The following ANKFY1 variants were observed in gnomAD, a reference collection of about 807,000 sequenced individuals.
ANKFY1 encodes the protein ankyrin repeat and FYVE domain containing 1, also known as ankyrin repeat and FYVE domain-containing protein 1.
Under a neutral mutation model 128.3 loss-of-function variants are expected in ANKFY1, and 47 were observed. That is an observed-to-expected ratio of 0.37 (90% CI 0.29 to 0.47). The LOEUF (loss-of-function observed/expected upper bound fraction) is 0.47. Ranked by LOEUF, ANKFY1 falls within the 20% of genes least tolerant of loss-of-function variation. ANKFY1 has a pLI of 1.00. For missense variants in ANKFY1, 1,222 were observed against 1,510.6 expected, an observed-to-expected ratio of 0.81 and a Z score of 3.17; for synonymous variants, 553 against 601.6, an observed-to-expected ratio of 0.92 and a Z score of 1.18.
At chr17:4,238,615 A>G (rs1967039395) in intron 2 of ANKFY1, among the ~76,000 whole-genome samples, 1 of 152,028 alleles carries the variant, frequency 6.6e-6, no homozygotes. Flanking sequence ...CTGGGATTAC[A>G]GGTGCGCGCC....
At chr17:4,171,778 AAAATGGTGAT>A (rs1441498033) in intron 22 of ANKFY1, among the ~76,000 whole-genome samples, 1 of 152,210 alleles carries the variant, frequency 6.6e-6, no homozygotes, top group African/African-American at 2.4e-5. Context: ...GACCAAGAGA[AAAATGGTGAT>A]AAAATATGTG....
chr17:4,232,915 C>A (rs540144588), intron 3 of ANKFY1, among the ~76,000 whole-genome samples: 1 of 151,882 alleles, frequency 6.6e-6, no homozygotes, highest in African/African-American at 2.4e-5. Context: ...ATTTTGGTGG[C>A]AGTCGATATT....
intron 16 of ANKFY1, chr17:4,180,099 G>T (rs1010720139): frequency 5.2e-6 from 3 of 580,514 alleles, no homozygotes; most frequent in East Asian, 2.9e-5. Context: ...CATCAGAATT[G>T]TTAGAAACTT....
intron 1 of ANKFY1, among the ~76,000 whole-genome samples, chr17:4,261,696 A>C (rs1163914204): frequency 6.6e-6 from 1 of 152,232 alleles, no homozygotes; most frequent in Non-Finnish European, 1.5e-5. Flanking sequence ...CCCGACTGCA[A>C]AGCACAGCAG....
intron 7 of ANKFY1, among the ~76,000 whole-genome samples, chr17:4,202,981 C>CATATATATATATATATATAT (rs56774221): frequency 2.9e-4 from 42 of 146,228 alleles, no homozygotes; most frequent in African/African-American, 1.0e-3. Context: ...TAATCATACA[C>CATATATATATATATATATAT]ATATATATAT....
rs369522087 is a variant in ANKFY1, at chr17:4,195,387, G to A, written c.1172+16C>T. 8.4e-4 allele frequency: 1,352 copies of A among 1,611,468 alleles called. 3 individuals are homozygous for A. Among genetic ancestry groups the A allele is most frequent in the Non-Finnish European group, 1.0e-3 (1,228 of 1,178,716 alleles). ...CTCACAACCGCCTTCTCACTTGTGC[G>A]TGTCTCCCTACGTACTGTTTGCACT... On this transcript the variant is annotated intron_variant, in intron 9 of 24. Coordinates refer to ENST00000341657, the MANE Select transcript of ANKFY1 (RefSeq NM_001330063.2).
At chr17:4,190,578 T>C (rs1319230061) in intron 10 of ANKFY1, among the ~76,000 whole-genome samples, 1 of 152,232 alleles carries the variant, frequency 6.6e-6, no homozygotes, top group Non-Finnish European at 1.5e-5. Context: ...AAAATGCCCC[T>C]TAAATACTTC....
chr17:4,235,982 T>G (rs1350159764), intron 2 of ANKFY1, 92 bp from the exon 3 acceptor site: 8 of 843,302 alleles, frequency 9.5e-6, no homozygotes, highest in African/African-American at 3.4e-5. Context: ...TGAGTATTCA[T>G]CAACATACAT....
intron 1 of ANKFY1, among the ~76,000 whole-genome samples, chr17:4,255,243 C>CTTTTT (rs1177087196): frequency 6.7e-5 from 8 of 119,890 alleles, no homozygotes; most frequent in African/African-American, 2.0e-4. Context: ...TCATGTAATT[C>CTTTTT]TTTTTTTTTT....
Position 4,182,303 on chromosome 17 carries a change from G to A in ANKFY1, c.1999C>T (p.Leu667Phe). Residue 667 changes from leucine to phenylalanine, a missense_variant, in exon 15 of 25, where the codon CTT becomes TTT. Leu to Phe is a conservative substitution (Grantham distance 22). Transcript: ENST00000341657. ...TALQLAIRNQ[L>F]PLVVDAICTR... ...CATATGGCATCAACTACGAGTGGAAGCTGGTTTCTGATGGCCAGCTGGAGG... is the reference window on the plus strand; with the variant it reads ...CATATGGCATCAACTACGAGTGGAAACTGGTTTCTGATGGCCAGCTGGAGG... The A allele has an allele frequency of 6.3e-7, 1 of 1,593,012 alleles. No individual in the cohort carries two copies. Among genetic ancestry groups the A allele is most frequent in the South Asian group, 1.2e-5 (1 of 85,568 alleles).
chr17:4,207,188 CCA>C (rs2060042074), intron 6 of ANKFY1, among the ~76,000 whole-genome samples: 1 of 151,988 alleles, frequency 6.6e-6, no homozygotes, highest in African/African-American at 2.4e-5. Flanking sequence ...ATCTATCTAA[CCA>C]CAGAGGGCCC....
chr17:4,208,248 T>C (rs746466294), intron 5 of ANKFY1, 166 bp from the exon 6 acceptor site: 7 of 546,352 alleles, frequency 1.3e-5, no homozygotes, highest in Non-Finnish European at 2.1e-5. Context: ...TACTTGAACA[T>C]CCCCATTTTA....
At chr17:4,200,308 C>A (rs1055595309) in intron 7 of ANKFY1, among the ~76,000 whole-genome samples, 1 of 152,130 alleles carries the variant, frequency 6.6e-6, no homozygotes, top group East Asian at 1.9e-4. Context: ...AAGCAATCCG[C>A]CCACCTCAGC....
Position 4,235,734 on chromosome 17 carries a change from G to A in ANKFY1, c.322+38C>T, listed in dbSNP as rs571785438. ...ACAACCTTCTGCCAAGAGCCCTTCCGCTAGCAGTTTTGTGTCCCTGATCAC... is the reference window on the plus strand; with the variant it reads ...ACAACCTTCTGCCAAGAGCCCTTCCACTAGCAGTTTTGTGTCCCTGATCAC... On this transcript the variant is annotated intron_variant, in intron 3 of 24. Transcript: ENST00000341657. 122 of 1,455,106 alleles carry A rather than the reference G, an allele frequency of 8.4e-5. No homozygotes were observed. The Admixed American group carries it at 8.8e-4, about 11-fold the overall frequency. 90.1% of individuals were successfully genotyped at this position (1,455,106 alleles called of 1,614,324 possible).
Position 4,179,831 on chromosome 17 carries a change from C to T in ANKFY1, c.2287G>A (p.Gly763Arg). The stretch of plus-strand genomic sequence containing the variant: ...TGCCCATCTCTAGCCTCTTCCTCTC[C>T]TTCTCCATTGGCGCCTGGTTGTCTG... ...SPRQPGANGE[G>R]EEEARDGQTP... is the part of the protein sequence containing the mutation. Residue 763 changes from glycine (G) to arginine (R), a missense_variant, in exon 17 of 25, where the codon GGA (glycine) becomes AGA (arginine). Physicochemically the swap from Gly to Arg is moderately radical, Grantham distance 125. Coordinates refer to ENST00000341657, the MANE Select transcript of ANKFY1 (RefSeq NM_001330063.2). 1 of 1,614,236 alleles carries T rather than the reference C, an allele frequency of 6.2e-7. No individual in the cohort carries two copies.
At chr17:4,179,989 G>A in intron 16 of ANKFY1, 112 bp from the exon 17 acceptor site, 1 of 1,360,772 alleles carries the variant, frequency 7.3e-7, no homozygotes, top group Non-Finnish European at 1.0e-6. Context: ...GTCTGCTGTG[G>A]CCGGGTCTGC....
At chr17:4,173,107 C>T (rs967075625) in intron 21 of ANKFY1, among the ~76,000 whole-genome samples, 3 of 152,372 alleles carry the variant, frequency 2.0e-5, no homozygotes, top group South Asian at 4.1e-4. Context: ...CCGCCCGCCT[C>T]GGACTCCCGA....
chr17:4,185,240 C>G (rs1343381602), intron 11 of ANKFY1, among the ~76,000 whole-genome samples, 194 bp from the exon 12 acceptor site: 1 of 152,180 alleles, frequency 6.6e-6, no homozygotes, highest in Non-Finnish European at 1.5e-5. Context: ...GAGTCCCGCT[C>G]TGTCACCCAG....
At chr17:4,207,817 T>C in intron 6 of ANKFY1, 116 bp downstream of exon 6, 1 of 1,067,918 alleles carries the variant, frequency 9.4e-7, no homozygotes, top group South Asian at 2.1e-5. Flanking sequence ...TTAGTAGAAA[T>C]CCGTACGTTA....
Sources: gnomAD v4.1 joint callset for allele counts (sites outside exome capture counted in the v4.1 genomes callset) on GRCh38, gnomAD v4.1.1 for gene constraint, MANE v1.5 for transcripts, NCBI Gene and HGNC (gene_info 2026-07-23, HGNC 2026-07-21) for gene names.